The following DLG1 variants were observed in gnomAD, a reference collection of about 807,000 sequenced individuals.
The protein encoded by DLG1 is discs large MAGUK scaffold protein 1, also known as disks large homolog 1.
Under a neutral mutation model 123.4 loss-of-function variants are expected in DLG1, and 42 were observed. The ratio of observed to expected loss-of-function variants is 0.34; its 90% CI spans 0.27 to 0.44. The LOEUF is 0.44. Ranked by LOEUF, DLG1 falls within the 20% of genes least tolerant of loss-of-function variation. DLG1 has a pLI of 1.00. For synonymous variants in DLG1, 317 were observed against 356.2 expected, an observed-to-expected ratio of 0.89 and a Z score of 1.24; for missense variants, 942 against 1,082.6, an observed-to-expected ratio of 0.87 and a Z score of 1.82.
At chr3:197,241,746 C>A (rs1028204677) in intron 4 of DLG1, among the ~76,000 whole-genome samples, 1 of 152,094 alleles carries the variant, frequency 6.6e-6, no homozygotes, top group Non-Finnish European at 1.5e-5. Flanking sequence ...TGTTTCTATT[C>A]TTTTGTGATC....
chr3:197,292,090 C>T (rs1775220214), intron 3 of DLG1, among the ~76,000 whole-genome samples: 1 of 152,046 alleles, frequency 6.6e-6, no homozygotes, highest in Non-Finnish European at 1.5e-5. Flanking sequence ...ATGTAACTGC[C>T]GTATGATCCC....
chr3:197,120,267 G>C (rs1265097409), intron 11 of DLG1, among the ~76,000 whole-genome samples: 1 of 82,912 alleles, frequency 1.2e-5, no homozygotes, highest in Admixed American at 1.3e-4. Context: ...GCCCTGTCTC[G>C]AGAAAGAAAA....
intron 11 of DLG1, among the ~76,000 whole-genome samples, chr3:197,129,099 G>A (rs1433131779): frequency 6.6e-6 from 1 of 152,202 alleles, no homozygotes; most frequent in Non-Finnish European, 1.5e-5. Context: ...GTACTTTGAA[G>A]CTTTGAAGTC....
At chr3:197,255,518 G>A (rs934902296) in intron 4 of DLG1, among the ~76,000 whole-genome samples, 2 of 152,026 alleles carry the variant, frequency 1.3e-5, no homozygotes, top group Non-Finnish European at 2.9e-5. Context: ...TACCTCCCAG[G>A]TATATATTTG....
intron 4 of DLG1, among the ~76,000 whole-genome samples, chr3:197,233,408 A>T (rs192803577): frequency 8.9e-4 from 135 of 152,302 alleles, no homozygotes; most frequent in Non-Finnish European, 1.6e-3. Context: ...TTTTTTTGAG[A>T]CAGAGTCTAG....
chr3:197,167,217 A>G (rs1285999559), intron 5 of DLG1, among the ~76,000 whole-genome samples: 1 of 152,240 alleles, frequency 6.6e-6, no homozygotes, highest in African/African-American at 2.4e-5. Context: ...TTTTCTTACA[A>G]CAAAATGCTA....
chr3:197,288,479 C>T (rs1322455807), intron 3 of DLG1, among the ~76,000 whole-genome samples: 4 of 150,864 alleles, frequency 2.7e-5, no homozygotes, highest in Non-Finnish European at 1.5e-5. Context: ...CCCAGCACTT[C>T]GAGAGGCTGA....
intron 5 of DLG1, among the ~76,000 whole-genome samples, chr3:197,155,381 G>A (rs1226887230): frequency 6.6e-6 from 1 of 152,146 alleles, no homozygotes; most frequent in Admixed American, 6.5e-5. Context: ...GTTCTCTGAT[G>A]AACAAAAGCT....
intron 4 of DLG1, among the ~76,000 whole-genome samples, chr3:197,247,070 C>A (rs1288038930): frequency 6.6e-6 from 1 of 152,188 alleles, no homozygotes; most frequent in Admixed American, 6.5e-5. Flanking sequence ...ATCTGAGTTC[C>A]TCTTTTAAAC....
Position 197,145,307 on chromosome 3 carries a change from G to C in DLG1, c.538-2539C>G, listed in dbSNP as rs922674302. ...TCTATCAGTCTTTATCGAATAAGCA[G>C]TTTTGACATTATTGATGAATCTATT... On this transcript the variant is annotated intron_variant, in intron 6 of 24. Coordinates refer to ENST00000667157, the MANE Select transcript of DLG1 (RefSeq NM_001366207.1). Among the ~76,000 whole-genome samples, 6 of 152,224 alleles carry C rather than the reference G, an allele frequency of 3.9e-5. No homozygotes were observed. The East Asian group carries it at 7.7e-4, about 20-fold the overall frequency.
intron 5 of DLG1, among the ~76,000 whole-genome samples, chr3:197,172,230 G>C (rs770450346): frequency 6.6e-6 from 1 of 152,048 alleles, no homozygotes; most frequent in Admixed American, 6.6e-5. Flanking sequence ...TGACGCTGGC[G>C]TAAACAAATA....
intron 4 of DLG1, among the ~76,000 whole-genome samples, chr3:197,239,832 C>T (rs1388049120): frequency 1.2e-5 from 1 of 80,150 alleles, no homozygotes; most frequent in Admixed American, 1.3e-4. Flanking sequence ...GTTCAGGGGC[C>T]ACAGAAAAGT....
At chr3:197,161,287 C>T (rs1798663025) in intron 5 of DLG1, among the ~76,000 whole-genome samples, 1 of 151,966 alleles carries the variant, frequency 6.6e-6, no homozygotes, top group Admixed American at 6.6e-5. Flanking sequence ...TACATTGGTA[C>T]AAGATCAGGA....
chr3:197,069,198 C>A, intron 19 of DLG1, 21 bp downstream of exon 19: 2 of 1,554,324 alleles, frequency 1.3e-6, no homozygotes, highest in Non-Finnish European at 1.7e-6. Context: ...TACAAAAGAA[C>A]AAGTAACTTA....
chr3:197,238,355 T>C (rs1254727236), intron 4 of DLG1, among the ~76,000 whole-genome samples: 1 of 152,106 alleles, frequency 6.6e-6, no homozygotes, highest in African/African-American at 2.4e-5. Context: ...GAGTTTAAAG[T>C]AGGCGTCATA....
chr3:197,167,822 A>G (rs1315250247), intron 5 of DLG1, among the ~76,000 whole-genome samples: 2 of 152,174 alleles, frequency 1.3e-5, no homozygotes, highest in Non-Finnish European at 2.9e-5. Context: ...TCACCTCTAA[A>G]AGCTTCCTTG....
At position 197,110,662 on chromosome 3, in the gene DLG1, T is replaced by C. The variant is rs574163597; in HGVS notation, c.1443+5265A>G. 5.3e-5 allele frequency among the ~76,000 whole-genome samples: 8 copies of C among 152,350 alleles called. No individual in the cohort carries two copies. The East Asian group carries it at 1.2e-3, about 22-fold the overall frequency. On this transcript the variant is annotated intron_variant, in intron 13 of 24. Coordinates refer to ENST00000667157, the MANE Select transcript of DLG1 (RefSeq NM_001366207.1). ...ACTGTCCTCTTATCTACGCTTGTCATTGCTGTCTGTTAGTGACTTTTCTTA... is the reference window on the plus strand; with the variant it reads ...ACTGTCCTCTTATCTACGCTTGTCACTGCTGTCTGTTAGTGACTTTTCTTA...
At chr3:197,199,426 T>A (rs1379724914) in intron 4 of DLG1, among the ~76,000 whole-genome samples, 2 of 152,160 alleles carry the variant, frequency 1.3e-5, no homozygotes, top group East Asian at 3.8e-4. Flanking sequence ...TTATTAAAAA[T>A]AGTGTATATA....
rs540609705 is a variant in DLG1, at chr3:197,075,668, C to T, written c.2005+918G>A. On this transcript the variant is annotated intron_variant, in intron 18 of 24. Coordinates refer to ENST00000667157, the MANE Select transcript of DLG1 (RefSeq NM_001366207.1). ...AATAAAAACAAAAAGTTATGTATTA[C>T]AGAAATAAAGTCCCAAGCATGTGAT... Among the ~76,000 whole-genome samples, 3 of 152,168 alleles carry T rather than the reference C, an allele frequency of 2.0e-5. No homozygotes were observed. In the East Asian group the frequency reaches 5.8e-4, roughly 29 times the overall value.
Sources: gnomAD v4.1 joint callset for allele counts (sites outside exome capture counted in the v4.1 genomes callset) on GRCh38, gnomAD v4.1.1 for gene constraint, MANE v1.5 for transcripts, NCBI Gene and HGNC (gene_info 2026-07-23, HGNC 2026-07-21) for gene names.